ROBO1: variants seen among roughly 807,000 people sequenced by gnomAD.
The protein encoded by ROBO1 is roundabout guidance receptor 1, also known as roundabout homolog 1.
In ROBO1, 149 loss-of-function variants were observed where a neutral mutation model predicts 195.9. The observed-to-expected ratio is 0.76, with a 90% CI of 0.67 to 0.87. ROBO1 has a LOEUF of 0.87. ROBO1 is among the 40% of genes least tolerant of loss of function. The pLI is 0.00. For missense variants in ROBO1, 1,933 were observed against 2,068.3 expected (o/e 0.93, Z 1.27); for synonymous variants, 816 against 733.2 (o/e 1.11, Z -1.82).
At chr3:79,146,765 T>A (rs1190457026) in intron 2 of ROBO1, among the ~76,000 whole-genome samples, 1 of 151,986 alleles carries the variant, frequency 6.6e-6, no homozygotes, top group African/African-American at 2.4e-5. Flanking sequence ...AAATAGAAAA[T>A]GCTCAGTATC....
At chr3:79,682,155 C>A (rs6793544) in intron 1 of ROBO1, among the ~76,000 whole-genome samples, 48,559 of 151,712 alleles carry the variant, frequency 0.32, 9,691 homozygotes, top group African/African-American at 0.57. Flanking sequence ...AAATTCCTAA[C>A]GGGCATATAG....
At chr3:78,874,041 T>A (rs1428902592) in intron 4 of ROBO1, among the ~76,000 whole-genome samples, 1 of 151,980 alleles carries the variant, frequency 6.6e-6, no homozygotes, top group Non-Finnish European at 1.5e-5. Flanking sequence ...GATATGTGAC[T>A]TCAATTACTA....
intron 2 of ROBO1, among the ~76,000 whole-genome samples, chr3:79,424,747 G>C (rs973050348): frequency 6.6e-6 from 1 of 152,028 alleles, no homozygotes; most frequent in Non-Finnish European, 1.5e-5. Flanking sequence ...CTGGATGTGG[G>C]AACTTGATCT....
At chr3:79,621,632 A>G (rs2107979820) in intron 1 of ROBO1, among the ~76,000 whole-genome samples, 1 of 152,330 alleles carries the variant, frequency 6.6e-6, no homozygotes, top group East Asian at 1.9e-4. Context: ...AAAGAAAAGA[A>G]CTGAAAGCCA....
intron 2 of ROBO1, among the ~76,000 whole-genome samples, chr3:79,149,685 T>C (rs1226793185): frequency 3.3e-5 from 5 of 151,760 alleles, no homozygotes; most frequent in Admixed American, 2.0e-4. Context: ...TAGGTTTCAG[T>C]GTTTTGGCGA....
At chr3:79,133,360 T>A (rs1258480843) in intron 2 of ROBO1, among the ~76,000 whole-genome samples, 2 of 117,556 alleles carry the variant, frequency 1.7e-5, no homozygotes, top group African/African-American at 6.6e-5. Flanking sequence ...TAGTCCCATA[T>A]TTCTTGGAGG....
chr3:79,301,071 T>C (rs1318328295), intron 2 of ROBO1, among the ~76,000 whole-genome samples: 2 of 152,140 alleles, frequency 1.3e-5, no homozygotes, highest in Non-Finnish European at 2.9e-5. Flanking sequence ...CCTTCCACGC[T>C]GTGGAAGCTT....
At chr3:78,882,155 A>G (rs1264520059) in intron 4 of ROBO1, among the ~76,000 whole-genome samples, 2 of 152,122 alleles carry the variant, frequency 1.3e-5, no homozygotes. Flanking sequence ...AGTTTTATAT[A>G]TTTAAAAATA....
At chr3:78,959,825 C>T (rs1284325581) in intron 3 of ROBO1, among the ~76,000 whole-genome samples, 1 of 152,100 alleles carries the variant, frequency 6.6e-6, no homozygotes, top group Non-Finnish European at 1.5e-5. Context: ...ACAGATAGCA[C>T]AACATTTCAG....
At chr3:79,533,488 G>A (rs1941738011) in intron 2 of ROBO1, among the ~76,000 whole-genome samples, 1 of 152,090 alleles carries the variant, frequency 6.6e-6, no homozygotes, top group Non-Finnish European at 1.5e-5. Flanking sequence ...TTATTTACTA[G>A]ACTAATATTC....
chr3:79,530,120 A>G (rs564641795), intron 2 of ROBO1, among the ~76,000 whole-genome samples: 23 of 152,324 alleles, frequency 1.5e-4, no homozygotes, highest in African/African-American at 5.5e-4. Context: ...ACATAATAAC[A>G]CATAATAAAA....
At chr3:79,279,352 G>A (rs1285043378) in intron 2 of ROBO1, among the ~76,000 whole-genome samples, 1 of 152,014 alleles carries the variant, frequency 6.6e-6, no homozygotes. Flanking sequence ...TTTCTTGATA[G>A]AAGGCATACA....
At chr3:78,791,464 A>G (rs2084017827) in intron 4 of ROBO1, among the ~76,000 whole-genome samples, 1 of 152,214 alleles carries the variant, frequency 6.6e-6, no homozygotes, top group Non-Finnish European at 1.5e-5. Context: ...CACCAAGTTT[A>G]AAAACCAATA....
intron 2 of ROBO1, among the ~76,000 whole-genome samples, chr3:79,481,444 T>C (rs1353027669): frequency 6.6e-6 from 1 of 152,192 alleles, no homozygotes; most frequent in African/African-American, 2.4e-5. Flanking sequence ...GTGAATAGCC[T>C]AGGAGCTCTT....
At position 78,668,202 on chromosome 3, in the gene ROBO1, G is replaced by A. The variant is rs1423445893; in HGVS notation, c.1731C>T (p.Val577=). The A allele has an allele frequency of 6.2e-7, 1 of 1,613,480 alleles. No homozygotes were observed. Among genetic ancestry groups the A allele is most frequent in the Admixed American group, 1.7e-5 (1 of 59,984 alleles). Residue 577 remains valine (V), a synonymous_variant, in exon 13 of 31, where the codon GTC becomes GTT. Coordinates refer to ENST00000464233, the MANE Select transcript of ROBO1 (RefSeq NM_002941.4). The part of the protein sequence containing the change: ...PEVTDVSRNT[V]TLSWQPNLNS... ...TCAAATTTGGTTGCCACGATAATGT[G>A]ACTGTATTTCTGCTGACATCTGTCA...
chr3:78,662,580 A>T (rs1479701662), intron 14 of ROBO1, among the ~76,000 whole-genome samples: 1 of 152,236 alleles, frequency 6.6e-6, no homozygotes, highest in Admixed American at 6.5e-5. Context: ...AACCAAGAAC[A>T]GAAAGAAGGC....
intron 2 of ROBO1, among the ~76,000 whole-genome samples, chr3:79,183,876 A>G (rs2081389599): frequency 6.6e-6 from 1 of 152,268 alleles, no homozygotes; most frequent in Non-Finnish European, 1.5e-5. Flanking sequence ...AAACAGCAAC[A>G]TAACCATGAA....
At chr3:78,964,285 C>A (rs918453242) in intron 3 of ROBO1, among the ~76,000 whole-genome samples, 1 of 152,224 alleles carries the variant, frequency 6.6e-6, no homozygotes, top group Admixed American at 6.5e-5. Flanking sequence ...TTCACAGATA[C>A]CAGCGGTTAG....
chr3:79,349,379 T>C (rs747929315), intron 2 of ROBO1, among the ~76,000 whole-genome samples: 3 of 152,178 alleles, frequency 2.0e-5, no homozygotes, highest in Non-Finnish European at 4.4e-5. Flanking sequence ...GATGGCAATA[T>C]TCCCCTAATT....
Sources: gnomAD v4.1 joint callset for allele counts (sites outside exome capture counted in the v4.1 genomes callset) on GRCh38, gnomAD v4.1.1 for gene constraint, MANE v1.5 for transcripts, NCBI Gene and HGNC (gene_info 2026-07-23, HGNC 2026-07-21) for gene names.